P3H1: variants seen among roughly 807,000 people sequenced by gnomAD.
The protein encoded by P3H1 is growth suppressor 1.
Under a neutral mutation model 84.0 loss-of-function variants are expected in P3H1, and 69 were observed. The observed-to-expected ratio is 0.82, with a 90% CI of 0.68 to 1.00. P3H1 has a LOEUF of 1.00. Among genes scored for constraint, P3H1 ranks in the 50% least tolerant of loss-of-function variants. The pLI is 0.00. For synonymous variants in P3H1, 366 were observed against 388.8 expected (o/e 0.94, Z 0.69); for missense variants, 878 against 962.8 (o/e 0.91, Z 1.17).
At position 42,754,732 on chromosome 1, in the gene P3H1, A is replaced by G. The variant is rs1269215394; in HGVS notation, c.1345+137T>C. ...CGCTGGTGAGTTAGGAAGGATGTCC[A>G]CTGAACTTGCACCCTAAGGGTGGCT... is the stretch of plus-strand genomic sequence containing the variant. On this transcript the variant is annotated intron_variant, in intron 8 of 14. Transcript: ENST00000296388. This position sits in a 1 kb window ranked among gnomAD's most constrained non-coding sequence, Gnocchi z 4.0. 2 of 1,089,186 alleles carry G rather than the reference A, an allele frequency of 1.8e-6. No homozygotes were observed. Among genetic ancestry groups the G allele is most frequent in the Non-Finnish European group, 2.8e-6 (2 of 724,058 alleles). The allele number at this position is 1,089,186 out of a possible 1,614,324, so 67.5% of individuals were successfully genotyped here.
intron 1 of P3H1, 151 bp downstream of exon 1, chr1:42,766,355 AG>A (rs1652996178): frequency 1.5e-6 from 1 of 681,456 alleles, no homozygotes; most frequent in African/African-American, 1.8e-5. Flanking sequence ...GCCAGGGAGC[AG>A]CTCTCCCCGG....
intron 4 of P3H1, 54 bp from the exon 5 acceptor site, chr1:42,757,976 A>C: frequency 6.5e-7 from 1 of 1,540,578 alleles, no homozygotes; most frequent in South Asian, 1.1e-5. Context: ...GGAAAGGATA[A>C]AATCCTAGCA....
chr1:42,766,508 T>C lies in P3H1; in HGVS notation c.464A>G (p.Lys155Arg). ...GCCTGGTTCCAGGCAGGTCTGCACC[T>C]TGAAGTAGGCGACCTGCAGGTAGTT... ...PYNYLQVAYF[K>R]INKLEKAVAA... Residue 155 changes from lysine (K) to arginine (R), a missense_variant and splice_region_variant, in exon 1 of 15, where the codon AAG (lysine) becomes AGG (arginine). Coordinates refer to ENST00000296388, the MANE Select transcript of P3H1 (RefSeq NM_022356.4). 1.2e-6 allele frequency: 2 copies of C among 1,608,912 alleles called. No individual in the cohort carries two copies. The highest frequency in any genetic ancestry group is 1.7e-6 in the Non-Finnish European group (2 of 1,178,150).
chr1:42,759,271 G>C lies in P3H1; in HGVS notation c.738C>G (p.Cys246Trp). The C allele has an allele frequency of 6.2e-7, 1 of 1,614,130 alleles. No homozygotes were observed. Among genetic ancestry groups the C allele is most frequent in the Non-Finnish European group, 8.5e-7 (1 of 1,180,020 alleles). ...AGCCATCGTAGTCATAGGGCCCTTC[G>C]CAGAGGGCACGGCACTCCTCATAGG... ...FVAYEECRALCEGPYDYDGYN... is the reference protein window; with the variant it reads ...FVAYEECRALWEGPYDYDGYN... The change falls in exon 3 of 15, where the codon TGC (cysteine) becomes TGG (tryptophan). Residue 246 changes from cysteine (C) to tryptophan (W), a missense_variant. Cys to Trp is a radical substitution (Grantham distance 215). Transcript: ENST00000296388.
rs775348164 is a variant in P3H1 at position 42,750,153 on chromosome 1, G to A, written c.1720+33C>T. ...AGCACAGAGCTGAGGTACAGCATGC[G>A]GGGGCGGGTGCTGCAGGGGTAATGA... On this transcript the variant is annotated intron_variant, in intron 11 of 14. Coordinates refer to ENST00000296388, the MANE Select transcript of P3H1 (RefSeq NM_022356.4). The A allele has an allele frequency of 8.7e-6, 14 of 1,605,588 alleles. No individual in the cohort carries two copies. The East Asian group carries it at 1.1e-4, about 13-fold the overall frequency.
chr1:42,751,800 T>C lies in P3H1; in HGVS notation c.1569+474A>G, dbSNP rs148850146. On this transcript the variant is annotated intron_variant, in intron 10 of 14. Transcript: ENST00000296388. ...TTGCCCAGTCTCGGGTACGTCTTTA[T>C]CAGCAGTGTGAAAACGGACTAACAC... is the stretch of plus-strand genomic sequence containing the variant. 5.6e-3 allele frequency: 1,192 copies of C among 213,578 alleles called. 17 individuals are homozygous for C. The highest frequency in any genetic ancestry group is 0.026 in the African/African-American group (1,138 of 44,164). 13.2% of individuals were successfully genotyped at this position (213,578 alleles called of 1,614,324 possible).
Position 42,766,778 on chromosome 1 carries a change from C to T in P3H1, c.194G>A (p.Arg65Gln), listed in dbSNP as rs372710498. 4.5e-4 allele frequency: 727 copies of T among 1,598,444 alleles called. 3 individuals carry two copies. Among genetic ancestry groups the T allele is most frequent in the Non-Finnish European group, 3.8e-4 (445 of 1,176,554 alleles). ...CAGGCGAAGGGCGCGGAGGGCTGCCCGGGAGCGCAGCGCCCGTTCCATGCT... is the reference window on the plus strand; with the variant it reads ...CAGGCGAAGGGCGCGGAGGGCTGCCTGGGAGCGCAGCGCCCGTTCCATGCT... Reference protein sequence around the residue: ...VLSMERALRSRAALRALRLRC... With the variant: ...VLSMERALRSQAALRALRLRC... The change falls in exon 1 of 15, where the codon CGG becomes CAG. Residue 65 changes from arginine (R) to glutamine (Q), a missense_variant. Arg to Gln is a conservative substitution (Grantham distance 43, BLOSUM62 1). Transcript: ENST00000296388.
At chr1:42,758,809 CTTAG>C (rs762387672) in intron 4 of P3H1, 39 bp downstream of exon 4, 18 of 1,612,430 alleles carry the variant, frequency 1.1e-5, no homozygotes, top group African/African-American at 6.7e-5. Context: ...CCTTTAGCTT[CTTAG>C]TTAGCCAGCA....
At chr1:42,749,439 T>C (rs906360512) in intron 11 of P3H1, among the ~76,000 whole-genome samples, 3 of 152,146 alleles carry the variant, frequency 2.0e-5, no homozygotes, top group Admixed American at 2.0e-4. Flanking sequence ...TTCTTGGACA[T>C]GCAAAAGGGA....
chr1:42,747,603 G>C, intron 13 of P3H1, 120 bp downstream of exon 13: 1 of 1,194,420 alleles, frequency 8.4e-7, no homozygotes, highest in South Asian at 1.2e-5. Flanking sequence ...CTCTGGATGG[G>C]GGAAGGGTAC....
intron 4 of P3H1, among the ~76,000 whole-genome samples, chr1:42,758,507 A>G (rs1158727134): frequency 6.6e-6 from 1 of 152,250 alleles, no homozygotes; most frequent in African/African-American, 2.4e-5. Context: ...CATCAGTGCT[A>G]TACCAGGGAG....
In P3H1 at chr1:42,746,675, C is replaced by G. The variant is rs1303433943; in HGVS notation, c.*22G>C. On this transcript the variant is annotated 3_prime_UTR_variant, in exon 15 of 15. Transcript: ENST00000296388. ...GTTCCTCTCCATGGGTCTAGTCACC[C>G]ATCCGTCTGACCTGGACGCTGTCAT... The G allele has an allele frequency of 6.5e-7, 1 of 1,537,806 alleles. No homozygotes were observed. The highest frequency in any genetic ancestry group is 1.4e-5 in the African/African-American group (1 of 72,770).
At chr1:42,747,071 C>T (rs748046083) in intron 14 of P3H1, 10 of 1,614,244 alleles carry the variant, frequency 6.2e-6, no homozygotes, top group African/African-American at 1.3e-5. Context: ...CTTTCCCCAC[C>T]TGGATCCCGT....
Position 42,747,421 on chromosome 1 carries a change from G to A in P3H1, c.1915-9C>T, listed in dbSNP as rs1402209381. ...TGAGGCTGCACCTCTGCCTAAGGGG[G>A]ACAGAAAGGGAGGGGGGTTGCACAG... On this transcript the variant is annotated splice_polypyrimidine_tract_variant and intron_variant, in intron 13 of 14. Coordinates refer to ENST00000296388, the MANE Select transcript of P3H1 (RefSeq NM_022356.4). 6.2e-7 allele frequency: 1 copy of A among 1,608,406 alleles called. No homozygotes were observed. The highest frequency in any genetic ancestry group is 1.7e-5 in the Admixed American group (1 of 59,706).
At position 42,757,636 on chromosome 1, in the gene P3H1, C is replaced by T. The variant is rs3738503; in HGVS notation, c.1080+147G>A. On this transcript the variant is annotated intron_variant, in intron 5 of 14. Coordinates refer to ENST00000296388, the MANE Select transcript of P3H1 (RefSeq NM_022356.4). Reference sequence around the variant, plus strand: ...CTCCCTTCTCCTCTGAATAACAAGCCGAGTGACTGAACTCACATCTGGCCC... The same window carrying T: ...CTCCCTTCTCCTCTGAATAACAAGCTGAGTGACTGAACTCACATCTGGCCC... The T allele has an allele frequency of 0.073, 83,821 of 1,148,286 alleles. 3,405 individuals are homozygous for T. Among genetic ancestry groups the T allele is most frequent in the South Asian group, 0.084 (6,437 of 77,070 alleles). 71.1% of individuals were successfully genotyped at this position (1,148,286 alleles called of 1,614,324 possible).
intron 2 of P3H1, chr1:42,759,836 C>G (rs1652607972): frequency 4.6e-6 from 1 of 217,900 alleles, no homozygotes; most frequent in African/African-American, 2.3e-5. Context: ...CCCAACTCGG[C>G]CTCCTAAAGT....
chr1:42,747,533 G>A, intron 13 of P3H1, 121 bp from the exon 14 acceptor site: 3 of 1,143,972 alleles, frequency 2.6e-6, no homozygotes, highest in Non-Finnish European at 3.9e-6. Context: ...GCTTCCCTAA[G>A]ACCAGAACTA....
chr1:42,751,786 CGGGTA>C (rs1557564868), intron 10 of P3H1: 1 of 198,350 alleles, frequency 5.0e-6, no homozygotes, highest in Non-Finnish European at 1.1e-5. Flanking sequence ...TGCCCAGTCT[CGGGTA>C]CGTCTTTATC....
At position 42,746,622 on chromosome 1, in the gene P3H1, G is replaced by A; in HGVS notation, c.*75C>T. The A allele has an allele frequency of 7.8e-7, 1 of 1,279,576 alleles. No homozygotes were observed. The highest frequency in any genetic ancestry group is 1.1e-6 in the Non-Finnish European group (1 of 901,250). The allele number at this position is 1,279,576 out of a possible 1,614,324, so 79.3% of individuals were successfully genotyped here. ...TAGGCTCACTGCTCTGCAGCCCCGA[G>A]GGGCTGGCCAGCTCAGAGTGCAGAA... On this transcript the variant is annotated 3_prime_UTR_variant, in exon 15 of 15. Transcript: ENST00000296388.
Sources: gnomAD v4.1 joint callset for allele counts (sites outside exome capture counted in the v4.1 genomes callset) on GRCh38, gnomAD v4.1.1 for gene constraint, Gnocchi (gnomAD v3.1) non-coding constraint, MANE v1.5 for transcripts, NCBI Gene and HGNC (gene_info 2026-07-23, HGNC 2026-07-21) for gene names.